TNRC6C: variants seen among roughly 807,000 people sequenced by gnomAD.
TNRC6C encodes trinucleotide repeat containing adaptor 6C, also known as trinucleotide repeat-containing gene 6C protein.
TNRC6C carries 20 observed loss-of-function variants against 153.7 expected under a neutral mutation model. The observed-to-expected ratio is 0.13, with a 90% CI of 0.09 to 0.19. TNRC6C has a LOEUF of 0.19. Among genes scored for constraint, TNRC6C ranks in the 10% least tolerant of loss-of-function variants. The pLI is 1.00. For synonymous variants in TNRC6C, 811 were observed against 841.4 expected, an observed-to-expected ratio of 0.96 and a Z score of 0.63; for missense variants, 1,987 against 2,172.0, an observed-to-expected ratio of 0.91 and a Z score of 1.69.
chr17:78,091,809 G>GC (rs1365817003), intron 14 of TNRC6C, among the ~76,000 whole-genome samples: 1 of 152,128 alleles, frequency 6.6e-6, no homozygotes, highest in Admixed American at 6.5e-5. Flanking sequence ...TTAGATCTTA[G>GC]CTACAAACTT....
At chr17:78,103,356 G>T in intron 18 of TNRC6C, 58 bp from the exon 22 acceptor site, 1 of 1,594,736 alleles carries the variant, frequency 6.3e-7, no homozygotes, top group Non-Finnish European at 8.6e-7. Context: ...TCTTTGGAAG[G>T]CTGTAGTGAA....
chr17:78,011,921 A>C (rs1426813164), intron 1 of TNRC6C: 1 of 152,150 alleles, frequency 6.6e-6, no homozygotes, highest in Non-Finnish European at 1.5e-5. Flanking sequence ...ACTTTATTTT[A>C]ATGTGCTTAT....
chr17:77,979,380 A>G (rs1325448479), intron 1 of TNRC6C, among the ~76,000 whole-genome samples: 3 of 152,232 alleles, frequency 2.0e-5, no homozygotes, highest in East Asian at 1.9e-4. Flanking sequence ...AAGTATGTGT[A>G]TCTGTTATGC....
chr17:77,957,736 C>T (rs889885788), upstream of TNRC6C, among the ~76,000 whole-genome samples: 2 of 152,300 alleles, frequency 1.3e-5, no homozygotes, highest in African/African-American at 4.8e-5. Context: ...TGGCTTGAAC[C>T]GAAAGTTAAA....
intron 13 of TNRC6C, among the ~76,000 whole-genome samples, chr17:78,087,515 A>T (rs566809575): frequency 5.3e-5 from 8 of 152,298 alleles, no homozygotes; most frequent in African/African-American, 1.9e-4. Context: ...CTTTAAAGGT[A>T]GTACCAGTCA....
chr17:77,984,760 C>G (rs1331850095), intron 1 of TNRC6C, among the ~76,000 whole-genome samples: 1 of 152,174 alleles, frequency 6.6e-6, no homozygotes, highest in Admixed American at 6.5e-5. Context: ...GCTGTGTGTT[C>G]TGTGGCAGCC....
intron 11 of TNRC6C, among the ~76,000 whole-genome samples, chr17:78,084,621 CTTT>C (rs888498648): frequency 5.2e-5 from 7 of 134,176 alleles, no homozygotes; most frequent in Non-Finnish European, 9.5e-5. Context: ...TTTTCTTTTT[CTTT>C]TTTTTTTTTT....
At chr17:78,097,339 G>A (rs902096184) in intron 16 of TNRC6C, among the ~76,000 whole-genome samples, 3 of 152,144 alleles carry the variant, frequency 2.0e-5, no homozygotes, top group African/African-American at 7.2e-5. Context: ...TTGGAGTTTT[G>A]TTCTTCCATT....
intron 9 of TNRC6C, chr17:78,077,633 C>T (rs989152349): frequency 1.7e-5 from 7 of 408,622 alleles, no homozygotes; most frequent in African/African-American, 4.1e-5. Context: ...CAGTGGTCTT[C>T]GGCTGCCGGA....
chr17:78,059,890 G>A (rs930811396), intron 3 of TNRC6C, among the ~76,000 whole-genome samples: 7 of 150,096 alleles, frequency 4.7e-5, no homozygotes, highest in East Asian at 1.9e-4. Context: ...TGTGCCCCCC[G>A]CCACCGATAG....
intron 16 of TNRC6C, among the ~76,000 whole-genome samples, chr17:78,096,356 C>T (rs978779102): frequency 6.6e-6 from 1 of 152,158 alleles, no homozygotes. Context: ...TACACCACAC[C>T]CCCACGACGC....
chr17:78,063,694 G>A (rs1329984961), intron 3 of TNRC6C, among the ~76,000 whole-genome samples: 2 of 152,080 alleles, frequency 1.3e-5, no homozygotes, highest in East Asian at 3.9e-4. Context: ...CTTGTGGGTG[G>A]TACCATAGAA....
At chr17:77,974,076 G>A (rs903526685) in intron 1 of TNRC6C, among the ~76,000 whole-genome samples, 1 of 151,168 alleles carries the variant, frequency 6.6e-6, no homozygotes, top group Non-Finnish European at 1.5e-5. Context: ...GAGAGAGAGA[G>A]AGAAAGAAAG....
At chr17:77,980,618 A>G (rs924876759) in intron 1 of TNRC6C, among the ~76,000 whole-genome samples, 1 of 152,174 alleles carries the variant, frequency 6.6e-6, no homozygotes, top group Non-Finnish European at 1.5e-5. Flanking sequence ...GAGATAACTC[A>G]GATCTCACAG....
At chr17:78,087,069 A>T (rs781034927) in exon 13 of TNRC6C, 2 of 1,612,798 alleles carry the variant, frequency 1.2e-6, no homozygotes, top group Non-Finnish European at 1.7e-6. Flanking sequence ...GTCTTCACCC[A>T]ACACCTTTGC....
At chr17:77,964,120 T>C (rs1176882816) in intron 1 of TNRC6C, among the ~76,000 whole-genome samples, 1 of 152,238 alleles carries the variant, frequency 6.6e-6, no homozygotes, top group Non-Finnish European at 1.5e-5. Context: ...GTTTCCACTT[T>C]CTCATGAACC....
intron 1 of TNRC6C, among the ~76,000 whole-genome samples, chr17:78,029,854 C>T (rs1031295983): frequency 5.3e-5 from 8 of 151,328 alleles, no homozygotes; most frequent in African/African-American, 1.9e-4. Flanking sequence ...AAGGCCTACA[C>T]GAGGTCAGGA....
At chr17:77,963,912 G>A (rs2144032460) in intron 1 of TNRC6C, among the ~76,000 whole-genome samples, 1 of 152,260 alleles carries the variant, frequency 6.6e-6, no homozygotes, top group Non-Finnish European at 1.5e-5. Flanking sequence ...AGGAAATAAG[G>A]GGTGTCTAGG....
chr17:78,082,937 G>C (rs538179317), intron 10 of TNRC6C, 110 bp from the exon 13 acceptor site: 75 of 1,290,654 alleles, frequency 5.8e-5, no homozygotes, highest in Non-Finnish European at 8.0e-5. Flanking sequence ...GTTTCAGGGG[G>C]TCTCCCTACA....
Sources: gnomAD v4.1 joint callset for allele counts (sites outside exome capture counted in the v4.1 genomes callset) on GRCh38, gnomAD v4.1.1 for gene constraint, MANE v1.5 for transcripts, NCBI Gene and HGNC (gene_info 2026-07-23, HGNC 2026-07-21) for gene names.